Variants in AHCTF1 observed in about 807,000 individuals in gnomAD.
The protein encoded by AHCTF1 is protein ELYS.
AHCTF1 carries 24 observed loss-of-function variants against 248.4 expected under a neutral mutation model. The ratio of observed to expected loss-of-function variants is 0.10; its 90% CI spans 0.07 to 0.14. The LOEUF (loss-of-function observed/expected upper bound fraction) is 0.14. Ranked by LOEUF, AHCTF1 falls within the 10% of genes least tolerant of loss-of-function variation. The pLI, the probability that AHCTF1 is intolerant of heterozygous loss-of-function variation, is 1.00. For missense variants in AHCTF1, 2,206 were observed against 2,636.2 expected (o/e 0.84, Z 3.57); for synonymous variants, 786 against 929.8 (o/e 0.85, Z 2.81).
At chr1:246,842,028 C>A (rs1310283747) in intron 35 of AHCTF1, among the ~76,000 whole-genome samples, 1 of 149,298 alleles carries the variant, frequency 6.7e-6, no homozygotes, top group Non-Finnish European at 1.5e-5. Flanking sequence ...ACTCCTGACT[C>A]GTGATCCACC....
At chr1:246,927,107 G>A (rs1466693837) in intron 1 of AHCTF1, among the ~76,000 whole-genome samples, 1 of 152,028 alleles carries the variant, frequency 6.6e-6, no homozygotes, top group African/African-American at 2.4e-5. Context: ...GAACCCGGGA[G>A]GCGGAGCTTG....
At chr1:246,868,757 A>G (rs1384256077) in intron 24 of AHCTF1, among the ~76,000 whole-genome samples, 15 of 150,930 alleles carry the variant, frequency 9.9e-5, no homozygotes, top group Non-Finnish European at 2.9e-5. Context: ...CTTGGGTTAC[A>G]GAGCAGCCAA....
At chr1:246,841,125 G>C in intron 35 of AHCTF1, 127 bp from the exon 36 acceptor site, 1 of 764,252 alleles carries the variant, frequency 1.3e-6, no homozygotes, top group Non-Finnish European at 2.0e-6. Context: ...AGATGTAATG[G>C]TTTCAAGGGA....
chr1:246,884,962 T>C (rs575249532), intron 21 of AHCTF1, among the ~76,000 whole-genome samples: 1 of 152,322 alleles, frequency 6.6e-6, no homozygotes, highest in Non-Finnish European at 1.5e-5. Context: ...TTCCTCTCTA[T>C]TCCTGACTCC....
chr1:246,873,471 G>A (rs759596600), intron 24 of AHCTF1, among the ~76,000 whole-genome samples: 20 of 151,426 alleles, frequency 1.3e-4, no homozygotes, highest in Non-Finnish European at 2.4e-4. Flanking sequence ...GAAAGAATCC[G>A]TCCCAATACT....
intron 24 of AHCTF1, among the ~76,000 whole-genome samples, chr1:246,874,168 T>G (rs1662785494): frequency 6.6e-6 from 1 of 152,078 alleles, no homozygotes; most frequent in South Asian, 2.1e-4. Context: ...AACTCCAGTT[T>G]CTAGTATATA....
At chr1:246,890,887 A>G (rs1434704136) in intron 16 of AHCTF1, 69 bp downstream of exon 16, 1 of 1,051,826 alleles carries the variant, frequency 9.5e-7, no homozygotes, top group East Asian at 3.1e-5. Flanking sequence ...AAGCATTAGA[A>G]TACAATAACA....
intron 24 of AHCTF1, 133 bp downstream of exon 24, chr1:246,875,904 A>C (rs899736948): frequency 4.6e-6 from 4 of 865,332 alleles, no homozygotes; most frequent in Non-Finnish European, 6.9e-6. Context: ...TCTGGAACCA[A>C]ACCAGCAATA....
chr1:246,855,436 G>A (rs1296828802), intron 31 of AHCTF1, among the ~76,000 whole-genome samples: 1 of 152,064 alleles, frequency 6.6e-6, no homozygotes, highest in East Asian at 1.9e-4. Flanking sequence ...AAACAAACAC[G>A]AAATAACTCT....
chr1:246,877,208 T>C lies in AHCTF1; in HGVS notation c.2755A>G (p.Met919Val). The C allele has an allele frequency of 6.2e-7, 1 of 1,613,546 alleles. No homozygotes were observed. The highest frequency in any genetic ancestry group is 8.5e-7 in the Non-Finnish European group (1 of 1,179,906). Reference sequence around the variant, plus strand: ...TTCAGTAAATCTTCCATCAAGCCCATTTCCTGACAGACTTCATACATGTGC... The same window carrying C: ...TTCAGTAAATCTTCCATCAAGCCCACTTCCTGACAGACTTCATACATGTGC... Reference protein sequence around the residue: ...LKHMYEVCQEMGLMEDLLKLP... With the variant: ...LKHMYEVCQEVGLMEDLLKLP... The change falls in exon 22 of 36, where the codon ATG becomes GTG. Residue 919 changes from methionine to valine, a missense_variant. Physicochemically the swap from Met to Val is conservative, Grantham distance 21 (BLOSUM62 1). This residue lies in a region of AHCTF1 where 955 missense variants were observed against 1,055.6 expected (regional missense o/e 0.90). Transcript: ENST00000648844.
At chr1:246,843,012 T>A (rs12401878) in intron 34 of AHCTF1, among the ~76,000 whole-genome samples, 3 of 152,092 alleles carry the variant, frequency 2.0e-5, no homozygotes, top group African/African-American at 7.2e-5. Context: ...TATTTTTGAA[T>A]GTTTCCACTG....
intron 19 of AHCTF1, 78 bp downstream of exon 19, chr1:246,888,099 T>A: frequency 6.8e-7 from 1 of 1,475,192 alleles, no homozygotes; most frequent in Non-Finnish European, 9.3e-7. Flanking sequence ...TGCAATTAGA[T>A]ATGTCAGGTT....
rs1262323843 is a variant in AHCTF1, at chr1:246,839,746, T to A, written c.*1060A>T. 6.1e-6 allele frequency: 1 copy of A among 165,030 alleles called. No individual in the cohort carries two copies. The highest frequency in any genetic ancestry group is 1.3e-5 in the Non-Finnish European group (1 of 79,376). 10.2% of individuals were successfully genotyped at this position (165,030 alleles called of 1,614,324 possible). On this transcript the variant is annotated 3_prime_UTR_variant, in exon 36 of 36. Coordinates refer to ENST00000648844, the MANE Select transcript of AHCTF1 (RefSeq NM_001323342.2). ...CATTCATTACACACTATCGATTACC[T>A]GTTATAAATTATTTTACAACACTTA...
rs139015537 is a variant in AHCTF1 at position 246,864,846 on chromosome 1, CAAAAAAAAAAAAAAAAAAAAAAAAAAAAA to C, written c.3348-759_3348-731del. ...TGGGCGACAGAGCGAGACTCCGTCT[CAAAAAAAAAAAAAAAAAAAAAAAAAAAAA>C]AAAAAAAAAAAAAAGACTAGACTGA... On this transcript the variant is annotated intron_variant, in intron 26 of 35. Coordinates refer to ENST00000648844, the MANE Select transcript of AHCTF1 (RefSeq NM_001323342.2). Among the ~76,000 whole-genome samples the C allele has an allele frequency of 6.6e-3, 15 of 2,260 alleles. 5 individuals are homozygous for C. The Admixed American group carries it at 0.13, about 20-fold the overall frequency. 1.5% of individuals were successfully genotyped at this position (2,260 alleles called of 152,430 possible).
intron 21 of AHCTF1, among the ~76,000 whole-genome samples, chr1:246,878,396 C>CAAAAAAAAAAAAAAAAAA (rs1199465751): frequency 3.2e-5 from 1 of 30,784 alleles, no homozygotes; most frequent in Non-Finnish European, 5.8e-5. Flanking sequence ...GATTCTGTCT[C>CAAAAAAAAAAAAAAAAAA]AAAAAAAAAA....
At chr1:246,876,836 A>C (rs1048543387) in intron 23 of AHCTF1, 114 bp downstream of exon 23, 1 of 1,290,712 alleles carries the variant, frequency 7.7e-7, no homozygotes, top group African/African-American at 1.5e-5. Context: ...CTCCAAGTTC[A>C]AGGTAATGCT....
intron 24 of AHCTF1, among the ~76,000 whole-genome samples, chr1:246,868,566 A>G (rs944557948): frequency 6.7e-6 from 1 of 150,162 alleles, no homozygotes; most frequent in African/African-American, 2.5e-5. Context: ...ATTTTGTTTC[A>G]TTATAGCTAT....
chr1:246,889,649 C>T (rs1350093988), intron 17 of AHCTF1, among the ~76,000 whole-genome samples: 3 of 152,138 alleles, frequency 2.0e-5, no homozygotes, highest in Admixed American at 6.6e-5. Context: ...CTGGAATCAA[C>T]GTTTGTGGCA....
chr1:246,857,783 G>C lies in AHCTF1; in HGVS notation c.4164C>G (p.Leu1388=), dbSNP rs41308162. Residue 1388 remains leucine, a synonymous_variant, in exon 30 of 36, where the codon CTC becomes CTG. Transcript: ENST00000648844. The stretch of plus-strand genomic sequence containing the variant: ...CTGAAAATGCCTCTGCTGCAACTAA[G>C]AGATCCTTTGTTTCTGCATCTTCTA... ...GNLEDAETKD[L]LVAAEAFSEL... is the part of the protein sequence containing the mutation. 0.1 allele frequency: 160,605 copies of C among 1,610,224 alleles called. 12,644 individuals are homozygous for C. Among genetic ancestry groups the C allele is most frequent in the African/African-American group, 0.42 (31,288 of 74,570 alleles).
Sources: gnomAD v4.1 joint callset for allele counts (sites outside exome capture counted in the v4.1 genomes callset) on GRCh38, gnomAD v4.1.1 for gene constraint, gnomAD v4.1.1 regional missense constraint, MANE v1.5 for transcripts, NCBI Gene and HGNC (gene_info 2026-07-23, HGNC 2026-07-21) for gene names.